Variants in PDZRN3 observed in about 807,000 individuals in gnomAD.
PDZRN3 encodes the protein PDZ domain containing ring finger 3, also known as E3 ubiquitin-protein ligase PDZRN3.
PDZRN3 carries 38 observed loss-of-function variants against 85.7 expected under a neutral mutation model. That is an observed-to-expected ratio of 0.44 (90% CI 0.34 to 0.58). PDZRN3 has a LOEUF of 0.58. Among genes scored for constraint, PDZRN3 ranks in the 20% least tolerant of loss-of-function variants. The pLI is 0.01. For synonymous variants in PDZRN3, 759 were observed against 638.0 expected (o/e 1.19, Z -2.86); for missense variants, 1,629 against 1,506.4 (o/e 1.08, Z -1.35).
intron 3 of PDZRN3, among the ~76,000 whole-genome samples, chr3:73,442,777 C>T (rs1358976510): frequency 6.6e-6 from 1 of 151,384 alleles, no homozygotes; most frequent in Non-Finnish European, 1.5e-5. Flanking sequence ...CAAAAATGAG[C>T]AGAAGCAGGG....
intron 3 of PDZRN3, among the ~76,000 whole-genome samples, chr3:73,490,898 G>A (rs1289130853): frequency 6.6e-6 from 1 of 152,214 alleles, no homozygotes; most frequent in African/African-American, 2.4e-5. Context: ...CCTGGCCAGA[G>A]ATAAGTGCAG....
intron 3 of PDZRN3, among the ~76,000 whole-genome samples, chr3:73,447,593 C>G (rs1318855798): frequency 1.3e-5 from 2 of 152,184 alleles, no homozygotes; most frequent in Non-Finnish European, 2.9e-5. Context: ...ATAATGACCT[C>G]CCAATTGCCG....
Position 73,624,718 on chromosome 3 carries a change from G to A in PDZRN3, c.108C>T (p.Val36=), listed in dbSNP as rs1234225210. The change falls in exon 1 of 10, where the codon GTC becomes GTT. Residue 36 remains valine (V), a synonymous_variant. Transcript: ENST00000263666. ...EDPLTTPCGH[V]FCAGCVLPWV... is the part of the protein sequence containing the mutation. ...AGGGCAGCACGCAGCCGGCGCAGAA[G>A]ACGTGGCCGCACGGCGTGGTCAGCG... 20 of 1,530,694 alleles carry A rather than the reference G, an allele frequency of 1.3e-5. No homozygotes were observed. The highest frequency in any genetic ancestry group is 1.7e-5 in the Non-Finnish European group (19 of 1,146,748). 94.8% of individuals were successfully genotyped at this position (1,530,694 alleles called of 1,614,324 possible). A position where few individuals can be genotyped will look rare whatever the true frequency, so the allele number is the denominator to read the frequency against.
At chr3:73,451,848 A>G (rs1702867754) in intron 3 of PDZRN3, among the ~76,000 whole-genome samples, 2 of 134,598 alleles carry the variant, frequency 1.5e-5, no homozygotes. Context: ...CTAGCTTCTC[A>G]TCACACACAC....
At chr3:73,598,340 C>T (rs1559753096) in intron 3 of PDZRN3, among the ~76,000 whole-genome samples, 1 of 152,160 alleles carries the variant, frequency 6.6e-6, no homozygotes, top group Non-Finnish European at 1.5e-5. Context: ...GAGATATTTA[C>T]AGTTTCGAAT....
intron 3 of PDZRN3, among the ~76,000 whole-genome samples, chr3:73,520,113 C>A (rs1227812306): frequency 6.6e-6 from 1 of 152,172 alleles, no homozygotes; most frequent in African/African-American, 2.4e-5. Context: ...TGGAAAGACA[C>A]CCCTGGCACT....
At chr3:73,421,710 T>G (rs1432405776) in intron 3 of PDZRN3, among the ~76,000 whole-genome samples, 1 of 152,176 alleles carries the variant, frequency 6.6e-6, no homozygotes, top group Non-Finnish European at 1.5e-5. Context: ...TGCAGTGGCA[T>G]GATCTCGGCT....
rs371609468 is a variant in PDZRN3 at position 73,441,826 on chromosome 3, C to T, written c.919-37431G>A. Among the ~76,000 whole-genome samples, 205 of 152,264 alleles carry T rather than the reference C, an allele frequency of 1.3e-3. 2 individuals carry two copies. Among genetic ancestry groups the T allele is most frequent in the African/African-American group, 4.2e-3 (176 of 41,542 alleles). Reference sequence around the variant, plus strand: ...AAACACAATGTACTCGTGAGGATGCCGATCAACATACAGAGTCTGTAAATG... The same window carrying T: ...AAACACAATGTACTCGTGAGGATGCTGATCAACATACAGAGTCTGTAAATG... On this transcript the variant is annotated intron_variant, in intron 3 of 9. Coordinates refer to ENST00000263666, the MANE Select transcript of PDZRN3 (RefSeq NM_015009.3).
intron 3 of PDZRN3, among the ~76,000 whole-genome samples, chr3:73,558,899 A>G (rs930563580): frequency 6.6e-6 from 1 of 152,276 alleles, no homozygotes; most frequent in Non-Finnish European, 1.5e-5. Context: ...CAAAGGGATC[A>G]CAAGTGCTTC....
In PDZRN3 at chr3:73,384,643, G is replaced by A. The variant is rs765235473; in HGVS notation, c.1923C>T (p.Asp641=). 3 of 1,613,898 alleles carry A rather than the reference G, an allele frequency of 1.9e-6. No individual in the cohort carries two copies. Among genetic ancestry groups the A allele is most frequent in the African/African-American group, 1.3e-5 (1 of 75,060 alleles). The change falls in exon 10 of 10, where the codon GAC becomes GAT. Residue 641 remains aspartate, a synonymous_variant. Transcript: ENST00000263666. ...GGAGCTCGCGGAAGCGCTCGCACTC[G>A]TCCACCGGGATCCCCAGGTAGTCGG... ...TDADYLGIPV[D]ECERFRELLE... is the part of the protein sequence containing the mutation.
At chr3:73,618,503 A>T (rs1489921078) in intron 1 of PDZRN3, among the ~76,000 whole-genome samples, 1 of 152,238 alleles carries the variant, frequency 6.6e-6, no homozygotes, top group Non-Finnish European at 1.5e-5. Flanking sequence ...AAAGAGGTCT[A>T]TCTAATGAAG....
intron 3 of PDZRN3, among the ~76,000 whole-genome samples, chr3:73,562,913 C>T (rs1158434430): frequency 7.0e-6 from 1 of 142,252 alleles, no homozygotes; most frequent in Non-Finnish European, 1.5e-5. Context: ...ATCCTTTTTT[C>T]TATGAATGGA....
chr3:73,404,880 A>G (rs1344861128), intron 3 of PDZRN3, among the ~76,000 whole-genome samples: 3 of 152,232 alleles, frequency 2.0e-5, no homozygotes, highest in Admixed American at 6.5e-5. Flanking sequence ...CATTGAAAAT[A>G]TTAAGTAAAT....
At position 73,624,530 on chromosome 3, in the gene PDZRN3, G is replaced by T; in HGVS notation, c.296C>A (p.Pro99Gln). 6.8e-7 allele frequency: 1 copy of T among 1,479,006 alleles called. No individual in the cohort carries two copies. Among genetic ancestry groups the T allele is most frequent in the South Asian group, 1.3e-5 (1 of 75,702 alleles). 91.6% of individuals were successfully genotyped at this position (1,479,006 alleles called of 1,614,324 possible). ...CGRVVKLQQL[P>Q]EHLERCDFAP... ...GAAGTCGCAGCGCTCGAGGTGCTCC[G>T]GCAGCTGCTGCAGCTTGACCACCCG... is the stretch of plus-strand genomic sequence containing the variant. Residue 99 changes from proline to glutamine, a missense_variant, in exon 1 of 10, where the codon CCG (proline) becomes CAG (glutamine). By Grantham distance (76) the Pro-to-Gln change is moderately conservative. Coordinates refer to ENST00000263666, the MANE Select transcript of PDZRN3 (RefSeq NM_015009.3).
At chr3:73,542,671 G>A (rs924372043) in intron 3 of PDZRN3, among the ~76,000 whole-genome samples, 10 of 152,122 alleles carry the variant, frequency 6.6e-5, no homozygotes. Context: ...CTACTTGGGA[G>A]GCTGAGGCAG....
intron 6 of PDZRN3, among the ~76,000 whole-genome samples, chr3:73,390,411 T>C (rs1701497579): frequency 6.6e-6 from 1 of 152,150 alleles, no homozygotes; most frequent in Non-Finnish European, 1.5e-5. Context: ...TTAAGTCTAG[T>C]AGATCATTCT....
At chr3:73,616,009 G>A (rs1702756489) in intron 1 of PDZRN3, among the ~76,000 whole-genome samples, 1 of 152,198 alleles carries the variant, frequency 6.6e-6, no homozygotes, top group Admixed American at 6.5e-5. Flanking sequence ...GATTAATGCT[G>A]TCCCAGGGTG....
chr3:73,405,933 C>A (rs781472923), intron 3 of PDZRN3, among the ~76,000 whole-genome samples: 1 of 152,178 alleles, frequency 6.6e-6, no homozygotes, highest in Non-Finnish European at 1.5e-5. Context: ...GTAGGGACAA[C>A]AACTCTTAGG....
chr3:73,564,428 C>T (rs1039086630), intron 3 of PDZRN3, among the ~76,000 whole-genome samples: 5 of 152,116 alleles, frequency 3.3e-5, no homozygotes, highest in African/African-American at 4.8e-5. Flanking sequence ...CAACCTCTGC[C>T]CCAAATACAT....
Sources: allele counts gnomAD v4.1 joint callset (sites outside exome capture counted in the v4.1 genomes callset), GRCh38; gene constraint gnomAD v4.1.1; transcripts MANE v1.5; gene names NCBI Gene and HGNC (gene_info 2026-07-23, HGNC 2026-07-21).